The following MKLN1 variants were observed in gnomAD, a reference collection of about 807,000 sequenced individuals.
The protein encoded by MKLN1 is muskelin 1.
Under a neutral mutation model 99.0 loss-of-function variants are expected in MKLN1, and 18 were observed. That is an observed-to-expected ratio of 0.18 (90% CI 0.13 to 0.27). The LOEUF is 0.27. Among genes scored for constraint, MKLN1 ranks in the 10% least tolerant of loss-of-function variants. The probability of loss-of-function intolerance (pLI) is 1.00; values close to 1 mark genes in which losing one functional copy is unlikely to be tolerated. For missense variants in MKLN1, 621 were observed against 875.9 expected, an observed-to-expected ratio of 0.71 and a Z score of 3.67; for synonymous variants, 288 against 293.2, an observed-to-expected ratio of 0.98 and a Z score of 0.18.
chr7:131,461,268 T>A (rs1033930377), intron 12 of MKLN1, among the ~76,000 whole-genome samples: 3 of 151,442 alleles, frequency 2.0e-5, no homozygotes, highest in Non-Finnish European at 4.4e-5. Context: ...TTTTTTTTTT[T>A]AATACTTTAA....
intron 3 of MKLN1, among the ~76,000 whole-genome samples, chr7:131,237,722 C>T (rs577443640): frequency 6.6e-6 from 1 of 152,158 alleles, no homozygotes; most frequent in Admixed American, 6.5e-5. Flanking sequence ...CCTGGGTGTG[C>T]CCAGAAGCAG....
chr7:131,229,923 C>A (rs1186274991), intron 3 of MKLN1, among the ~76,000 whole-genome samples: 1 of 152,186 alleles, frequency 6.6e-6, no homozygotes, highest in Non-Finnish European at 1.5e-5. Flanking sequence ...GCAGGTTTCC[C>A]TGTTTCGTGA....
chr7:131,375,203 A>G (rs530004126), intron 1 of MKLN1, among the ~76,000 whole-genome samples: 2 of 152,316 alleles, frequency 1.3e-5, no homozygotes, highest in Non-Finnish European at 2.9e-5. Context: ...CCTTATGAAA[A>G]GTCTTGATTT....
At chr7:131,399,489 T>A (rs1460607982) in intron 6 of MKLN1, 56 bp downstream of exon 6, 10 of 1,449,532 alleles carry the variant, frequency 6.9e-6, no homozygotes, top group Non-Finnish European at 8.5e-6. Context: ...GGAAACTTTT[T>A]CTCAAAAATA....
At chr7:131,265,748 A>G (rs900718716) in intron 3 of MKLN1, among the ~76,000 whole-genome samples, 3 of 152,216 alleles carry the variant, frequency 2.0e-5, no homozygotes, top group Admixed American at 6.5e-5. Flanking sequence ...AAAGCCTGGA[A>G]GATATTGTAT....
At chr7:131,446,726 ATATT>A (rs1250765129) in intron 12 of MKLN1, among the ~76,000 whole-genome samples, 1 of 152,248 alleles carries the variant, frequency 6.6e-6, no homozygotes, top group East Asian at 1.9e-4. Context: ...TTAAATTAAA[ATATT>A]TGTTCACATT....
chr7:131,159,050 G>T (rs984218904), intron 2 of MKLN1, among the ~76,000 whole-genome samples: 3 of 152,084 alleles, frequency 2.0e-5, no homozygotes, highest in Non-Finnish European at 4.4e-5. Context: ...AAAAAAATTA[G>T]CTGGGTGTGG....
At chr7:131,330,405 C>CAAA (rs2116691891) in intron 1 of MKLN1, among the ~76,000 whole-genome samples, 1 of 152,300 alleles carries the variant, frequency 6.6e-6, no homozygotes, top group East Asian at 1.9e-4. Context: ...ATGTGCCGTC[C>CAAA]ATTTGCTAGG....
At chr7:131,227,872 C>A (rs542116502) in intron 3 of MKLN1, among the ~76,000 whole-genome samples, 40 of 151,690 alleles carry the variant, frequency 2.6e-4, no homozygotes, top group Middle Eastern at 3.4e-3. Flanking sequence ...GGCCTTCACT[C>A]GTATTTCATT....
intron 1 of MKLN1, among the ~76,000 whole-genome samples, chr7:131,332,990 C>G (rs536666948): frequency 1.8e-4 from 27 of 152,132 alleles, no homozygotes; most frequent in Admixed American, 1.4e-3. Flanking sequence ...GTGGCACCAT[C>G]TTGGCTCACT....
intron 3 of MKLN1, among the ~76,000 whole-genome samples, chr7:131,248,353 A>G (rs1797527261): frequency 6.6e-6 from 1 of 152,184 alleles, no homozygotes; most frequent in African/African-American, 2.4e-5. Flanking sequence ...AGCCAGCTAG[A>G]GATAGTTACC....
chr7:131,303,777 C>T (rs1330630560), intron 3 of MKLN1, among the ~76,000 whole-genome samples: 1 of 152,194 alleles, frequency 6.6e-6, no homozygotes, highest in African/African-American at 2.4e-5. Flanking sequence ...GTAACTTCCT[C>T]ATATGAGAAG....
intron 3 of MKLN1, among the ~76,000 whole-genome samples, chr7:131,269,201 A>T (rs1426549093): frequency 6.6e-6 from 1 of 152,258 alleles, no homozygotes; most frequent in African/African-American, 2.4e-5. Context: ...AACTGTCTTC[A>T]TATCTGTTTT....
rs768864379 is a variant in MKLN1 at position 131,437,822 on chromosome 7, T to C, written c.998T>C (p.Ile333Thr). The C allele has an allele frequency of 1.2e-6, 2 of 1,612,702 alleles. No homozygotes were observed. Among genetic ancestry groups the C allele is most frequent in the South Asian group, 2.2e-5 (2 of 90,984 alleles). The part of the protein sequence containing the change: ...PSARSCHKMC[I>T]DIQRRQIYTL... ...GCCAGATCGTGTCATAAAATGTGCA[T>C]TGATATTCAACGGAGGCAAATCTAC... Residue 333 changes from isoleucine to threonine, a missense_variant, in exon 10 of 18, where the codon ATT (isoleucine) becomes ACT (threonine). Physicochemically the swap from Ile to Thr is moderately conservative, Grantham distance 89. This residue lies in a region of MKLN1 where 361 missense variants were observed against 540.8 expected (regional missense o/e 0.67). Coordinates refer to ENST00000352689, the MANE Select transcript of MKLN1 (RefSeq NM_013255.5).
chr7:131,322,816 C>T (rs1457969238), intron 3 of MKLN1, among the ~76,000 whole-genome samples: 3 of 151,420 alleles, frequency 2.0e-5, no homozygotes, highest in Admixed American at 6.6e-5. Flanking sequence ...ATGATCCACC[C>T]GCCTCGGCCT....
chr7:131,260,332 T>C (rs1218687120), intron 3 of MKLN1, among the ~76,000 whole-genome samples: 1 of 152,024 alleles, frequency 6.6e-6, no homozygotes, highest in Non-Finnish European at 1.5e-5. Flanking sequence ...ATTTTTATAT[T>C]CCAACATCCA....
At chr7:131,409,044 A>G (rs1208930717) in intron 6 of MKLN1, among the ~76,000 whole-genome samples, 1 of 152,216 alleles carries the variant, frequency 6.6e-6, no homozygotes, top group Non-Finnish European at 1.5e-5. Flanking sequence ...ACTTACAGAA[A>G]TATTAGCAAC....
intron 10 of MKLN1, among the ~76,000 whole-genome samples, chr7:131,438,813 A>T (rs1405453227): frequency 6.6e-6 from 1 of 151,980 alleles, no homozygotes; most frequent in Non-Finnish European, 1.5e-5. Context: ...GGGAAATGGG[A>T]GGTGGTGCTA....
At chr7:131,479,050 T>C (rs1285449802) in intron 17 of MKLN1, 1 of 177,490 alleles carries the variant, frequency 5.6e-6, no homozygotes, top group Non-Finnish European at 1.2e-5. Context: ...CTTTGTGGAA[T>C]TGTGTGTCGT....
Sources: allele counts gnomAD v4.1 joint callset (sites outside exome capture counted in the v4.1 genomes callset), GRCh38; gene constraint gnomAD v4.1.1; regional missense constraint gnomAD v4.1.1; transcripts MANE v1.5; gene names NCBI Gene and HGNC (gene_info 2026-07-23, HGNC 2026-07-21).